Variants in BTNL9 observed in about 807,000 individuals in gnomAD.
BTNL9 encodes the protein butyrophilin-like protein 9.
BTNL9 carries 45 observed loss-of-function variants against 45.8 expected under a neutral mutation model. The ratio of observed to expected loss-of-function variants is 0.98; its 90% CI spans 0.77 to 1.26. The LOEUF is 1.26. Among genes scored for constraint, BTNL9 ranks in the 50% most tolerant of loss-of-function variants. The probability of loss-of-function intolerance (pLI) is 0.00; values close to 1 mark genes in which losing one functional copy is unlikely to be tolerated. For synonymous variants in BTNL9, 346 were observed against 330.8 expected (o/e 1.05, Z -0.50); for missense variants, 784 against 729.7 (o/e 1.07, Z -0.86).
At chr5:181,044,591 A>G (rs1760987803) in intron 1 of BTNL9, among the ~76,000 whole-genome samples, 1 of 152,224 alleles carries the variant, frequency 6.6e-6, no homozygotes, top group Non-Finnish European at 1.5e-5. Flanking sequence ...GGTCCAGCCA[A>G]TGACAGAATC....
In BTNL9 at chr5:181,053,106, C is replaced by T. The variant is rs941401318; in HGVS notation, c.737-94C>T. The T allele has an allele frequency of 1.2e-4, 132 of 1,108,760 alleles. No individual in the cohort carries two copies. Among genetic ancestry groups the T allele is most frequent in the Non-Finnish European group, 1.6e-4 (124 of 789,844 alleles). The allele number at this position is 1,108,760 out of a possible 1,614,324, so 68.7% of individuals were successfully genotyped here. A position where few individuals can be genotyped will look rare whatever the true frequency, so the allele number is the denominator to read the frequency against. ...GCGGTGGCGCCCGGAGAAGGTCCCG[C>T]GGGAGGTTTCCCGGCACGCGGCGGG... On this transcript the variant is annotated intron_variant, in intron 4 of 10. Transcript: ENST00000327705. This position sits in a 1 kb window ranked among gnomAD's most constrained non-coding sequence, Gnocchi z 6.5.
At position 181,059,562 on chromosome 5, in the gene BTNL9, C is replaced by A; in HGVS notation, c.1308C>A (p.His436Gln). The change falls in exon 11 of 11, where the codon CAC becomes CAA. Residue 436 changes from histidine to glutamine, a missense_variant. Physicochemically the swap from His to Gln is conservative, Grantham distance 24. Transcript: ENST00000327705. ...NGCEYFVLAPHRVALTLRVPP... is the reference protein window; with the variant it reads ...NGCEYFVLAPQRVALTLRVPP... ...GCGAGTACTTCGTCCTGGCCCCGCA[C>A]CGCGTCGCGCTCACCCTGCGCGTGC... 3 of 1,611,508 alleles carry A rather than the reference C, an allele frequency of 1.9e-6. No homozygotes were observed. Among genetic ancestry groups the A allele is most frequent in the Non-Finnish European group, 2.5e-6 (3 of 1,179,488 alleles).
At position 181,045,510 on chromosome 5, in the gene BTNL9, C is replaced by T. The variant is rs1761053597; in HGVS notation, c.21C>T (p.Ser7=). 1 of 1,610,800 alleles carries T rather than the reference C, an allele frequency of 6.2e-7. No homozygotes were observed. The highest frequency in any genetic ancestry group is 1.7e-4 in the Middle Eastern group (1 of 6,050). The change falls in exon 2 of 11, where the codon TCC becomes TCT. Residue 7 remains serine, a synonymous_variant. Transcript: ENST00000327705. Reference sequence around the variant, plus strand: ...GAGAGATGGTGGACCTCTCAGTCTCCCCAGACTCCTTGAAGCCAGTATCGC... The same window carrying T: ...GAGAGATGGTGGACCTCTCAGTCTCTCCAGACTCCTTGAAGCCAGTATCGC... MVDLSV[S]PDSLKPVSLT...
At chr5:181,054,062 C>T in intron 6 of BTNL9, 177 bp from the exon 7 acceptor site, 1 of 1,546,072 alleles carries the variant, frequency 6.5e-7, no homozygotes, top group Non-Finnish European at 8.7e-7. Flanking sequence ...GTGCGCACTT[C>T]CCCATCCCCT....
In BTNL9 at chr5:181,050,476, T is replaced by C; in HGVS notation, c.736+107T>C. 6 of 1,364,614 alleles carry C rather than the reference T, an allele frequency of 4.4e-6. No individual in the cohort carries two copies. The highest frequency in any genetic ancestry group is 6.1e-6 in the Non-Finnish European group (6 of 989,236). 84.5% of individuals were successfully genotyped at this position (1,364,614 alleles called of 1,614,324 possible). A position where few individuals can be genotyped will look rare whatever the true frequency, so the allele number is the denominator to read the frequency against. On this transcript the variant is annotated intron_variant, in intron 4 of 10. Transcript: ENST00000327705. This position sits in a 1 kb window ranked among gnomAD's most constrained non-coding sequence, Gnocchi z 4.9. ...CAATGGTACTGCGCCTGTCTGCATA[T>C]AGGGTGTGTTGGCCTTGACACCTGA...
rs1453562638 is a variant in BTNL9 at position 181,059,432 on chromosome 5, G to A, written c.1178G>A (p.Arg393His). The A allele has an allele frequency of 4.7e-6, 7 of 1,475,944 alleles. No individual in the cohort carries two copies. The highest frequency in any genetic ancestry group is 2.6e-5 in the South Asian group (2 of 75,598). 91.4% of individuals were successfully genotyped at this position (1,475,944 alleles called of 1,614,324 possible). A position where few individuals can be genotyped will look rare whatever the true frequency, so the allele number is the denominator to read the frequency against. ...TACTGGGAGGTGCACGTGGGCCGCC[G>A]CAGCCGCTGGTTCCTGGGCGCCTGC... Reference protein sequence around the residue: ...RHYWEVHVGRRSRWFLGACLA... With the variant: ...RHYWEVHVGRHSRWFLGACLA... The change falls in exon 11 of 11, where the codon CGC becomes CAC. Residue 393 changes from arginine to histidine, a missense_variant. By Grantham distance (29) the Arg-to-His change is conservative (BLOSUM62 0). Coordinates refer to ENST00000327705, the MANE Select transcript of BTNL9 (RefSeq NM_152547.5).
In BTNL9 at chr5:181,059,524, C is replaced by T. The variant is rs1340456761; in HGVS notation, c.1270C>T (p.Leu424=). The T allele has an allele frequency of 1.9e-6, 3 of 1,605,212 alleles. No homozygotes were observed. The East Asian group carries it at 6.7e-5, about 36-fold the overall frequency. ...TGCGGCCGGCTACTGGGTGCTGGGGCTGTGGAACGGCTGCGAGTACTTCGT... is the reference window on the plus strand; with the variant it reads ...TGCGGCCGGCTACTGGGTGCTGGGGTTGTGGAACGGCTGCGAGTACTTCGT... ...SPAAGYWVLG[L]WNGCEYFVLA... Residue 424 remains leucine, a synonymous_variant, in exon 11 of 11, where the codon CTG becomes TTG. Transcript: ENST00000327705.
rs372675288 is a variant in BTNL9, at chr5:181,045,484, C to A, written c.-6C>A. 3 of 1,585,838 alleles carry A rather than the reference C, an allele frequency of 1.9e-6. No individual in the cohort carries two copies. The highest frequency in any genetic ancestry group is 2.6e-6 in the Non-Finnish European group (3 of 1,154,906). ...CTCTCCAGGTGGCCCCCACTGCTGA[C>A]GAGAGATGGTGGACCTCTCAGTCTC... On this transcript the variant is annotated 5_prime_UTR_variant, in exon 2 of 11. Transcript: ENST00000327705.
chr5:181,053,046 C>T lies in BTNL9; in HGVS notation c.737-154C>T. The T allele has an allele frequency of 2.6e-6, 1 of 385,726 alleles. No homozygotes were observed. Among genetic ancestry groups the T allele is most frequent in the Non-Finnish European group, 4.2e-6 (1 of 238,532 alleles). 23.9% of individuals were successfully genotyped at this position (385,726 alleles called of 1,614,324 possible). On this transcript the variant is annotated intron_variant, in intron 4 of 10. Transcript: ENST00000327705. The surrounding 1 kb of genome is among the most constrained non-coding windows in gnomAD (Gnocchi z 6.5). ...GCGCGCCCCCGCCCCCTCCGCCGCGCGCGCTCCCGCTCCACGCCCGTTTCC... is the reference window on the plus strand; with the variant it reads ...GCGCGCCCCCGCCCCCTCCGCCGCGTGCGCTCCCGCTCCACGCCCGTTTCC...
Position 181,053,502 on chromosome 5 carries a change from G to A in BTNL9, c.886+1G>A. 1 of 1,577,816 alleles carries A rather than the reference G, an allele frequency of 6.3e-7. No homozygotes were observed. The highest frequency in any genetic ancestry group is 8.6e-7 in the Non-Finnish European group (1 of 1,161,788). ...AGGAAGCAGGCGGAGAAGAGACAAG[G>A]TGAGCGGGGACAGGGCGTTCTGCAC... On this transcript the variant is annotated splice_donor_variant, in intron 6 of 10. Coordinates refer to ENST00000327705, the MANE Select transcript of BTNL9 (RefSeq NM_152547.5). LOFTEE classifies it high-confidence loss of function. This position sits in a 1 kb window ranked among gnomAD's most constrained non-coding sequence, Gnocchi z 6.5.
chr5:181,045,396 G>T, intron 1 of BTNL9, 71 bp from the exon 2 acceptor site: 2 of 805,990 alleles, frequency 2.5e-6, no homozygotes, highest in East Asian at 2.5e-5. Flanking sequence ...ACAGACTTCA[G>T]GTCTGATGGA....
At chr5:181,052,007 C>T (rs184787829) in intron 4 of BTNL9, among the ~76,000 whole-genome samples, 1 of 151,948 alleles carries the variant, frequency 6.6e-6, no homozygotes, top group Non-Finnish European at 1.5e-5. Flanking sequence ...GGCAGAACAG[C>T]GAGGAGGCCA....
In BTNL9 at chr5:181,053,151, G is replaced by A. The variant is rs758684981; in HGVS notation, c.737-49G>A. ...GGCGGGCAGGCCGGTCTCGCCTCTC[G>A]GTGCTCAGCGGCGCCTGGACCGACA... On this transcript the variant is annotated intron_variant, in intron 4 of 10. Coordinates refer to ENST00000327705, the MANE Select transcript of BTNL9 (RefSeq NM_152547.5). The surrounding 1 kb of genome is among the most constrained non-coding windows in gnomAD (Gnocchi z 6.5). 2.0e-6 allele frequency: 3 copies of A among 1,477,806 alleles called. No homozygotes were observed. The East Asian group carries it at 8.3e-5, about 41-fold the overall frequency. The allele number at this position is 1,477,806 out of a possible 1,614,324, so 91.5% of individuals were successfully genotyped here.
chr5:181,042,033 A>G lies in BTNL9; in HGVS notation c.-24+1601A>G, dbSNP rs977682314. Among the ~76,000 whole-genome samples, 4 of 152,210 alleles carry G rather than the reference A, an allele frequency of 2.6e-5. No individual in the cohort carries two copies. Among genetic ancestry groups the G allele is most frequent in the South Asian group, 2.1e-4 (1 of 4,828 alleles). On this transcript the variant is annotated intron_variant, in intron 1 of 10. Coordinates refer to ENST00000327705, the MANE Select transcript of BTNL9 (RefSeq NM_152547.5). This position sits in a 1 kb window ranked among gnomAD's most constrained non-coding sequence, Gnocchi z 4.5. ...AGGGACCGGAAATCAGAAAAACATC[A>G]GGGTTGTTTAGGAATTGCAGGTGCA...
Position 181,059,327 on chromosome 5 carries a change from G to C in BTNL9, c.1073G>C (p.Gly358Ala). ...KSVSSRGAPPGPAPGHPQRFS... is the reference protein window; with the variant it reads ...KSVSSRGAPPAPAPGHPQRFS... ...GTGTCTTCCCGCGGGGCGCCGCCAG[G>C]CCCGGCGCCTGGCCACCCGCAGCGG... Residue 358 changes from glycine (G) to alanine (A), a missense_variant, in exon 11 of 11, where the codon GGC becomes GCC. Transcript: ENST00000327705. The C allele has an allele frequency of 6.4e-7, 1 of 1,551,586 alleles. No individual in the cohort carries two copies. Among genetic ancestry groups the C allele is most frequent in the Admixed American group, 1.9e-5 (1 of 51,692 alleles).
At chr5:181,049,964 G>A (rs1208873413) in intron 3 of BTNL9, 124 bp from the exon 4 acceptor site, 7 of 1,267,348 alleles carry the variant, frequency 5.5e-6, no homozygotes, top group South Asian at 4.3e-5. Context: ...GCCCACACAC[G>A]TCTTAATAGC....
chr5:181,059,263 G>A lies in BTNL9; in HGVS notation c.1009G>A (p.Ala337Thr), dbSNP rs766816325. 2 of 1,564,798 alleles carry A rather than the reference G, an allele frequency of 1.3e-6. No individual in the cohort carries two copies. Among genetic ancestry groups the A allele is most frequent in the Non-Finnish European group, 8.6e-7 (1 of 1,164,538 alleles). Residue 337 changes from alanine to threonine, a missense_variant, in exon 11 of 11, where the codon GCG (alanine) becomes ACG (threonine). Transcript: ENST00000327705. ...AVDVTLDPAS[A>T]HPSLEVSEDG... ...GGATGTGACGCTGGACCCGGCCTCG[G>A]CGCACCCCAGCCTGGAGGTGTCGGA...
chr5:181,052,049 A>G (rs976929430), intron 4 of BTNL9, among the ~76,000 whole-genome samples: 1 of 151,952 alleles, frequency 6.6e-6, no homozygotes, highest in African/African-American at 2.4e-5. Context: ...CAGGTCAGAG[A>G]GACAGTCCGC....
chr5:181,040,510 T>G (rs1760721780), intron 1 of BTNL9, 78 bp downstream of exon 1: 2 of 152,142 alleles, frequency 1.3e-5, no homozygotes, highest in Admixed American at 1.3e-4. Context: ...GTGGGAGGCT[T>G]TGGGAAGGCG....
Sources: allele counts gnomAD v4.1 joint callset (sites outside exome capture counted in the v4.1 genomes callset), GRCh38; gene constraint gnomAD v4.1.1; non-coding constraint Gnocchi (gnomAD v3.1); transcripts MANE v1.5; gene names NCBI Gene and HGNC (gene_info 2026-07-23, HGNC 2026-07-21).